Variants in NINL observed in about 807,000 individuals in gnomAD.
The protein encoded by NINL is ninein-like protein.
NINL carries 153 observed loss-of-function variants against 160.3 expected under a neutral mutation model. The observed-to-expected ratio is 0.95, with a 90% CI of 0.84 to 1.09. The LOEUF (loss-of-function observed/expected upper bound fraction) is 1.09, where lower values mean the gene tolerates loss of function less well. Among genes scored for constraint, NINL ranks in the 50% least tolerant of loss-of-function variants. NINL has a pLI of 0.00. For synonymous variants in NINL, 800 were observed against 734.8 expected (o/e 1.09, Z -1.43); for missense variants, 1,829 against 1,764.0 (o/e 1.04, Z -0.66).
Position 25,476,141 on chromosome 20 carries a change from C to T in NINL, c.3150G>A (p.Ala1050=), listed in dbSNP as rs374903795. 3.9e-5 allele frequency: 63 copies of T among 1,614,218 alleles called. No homozygotes were observed. Among genetic ancestry groups the T allele is most frequent in the African/African-American group, 8.0e-5 (6 of 75,058 alleles). ...CCATGTCATCCTTCTCTCTCTCCAG[C>T]GCTATTTTGGTCTCCCCCTCTTCTG... The part of the protein sequence containing the change: ...AAPEEGETKI[A]LEREKDDMET... The change falls in exon 17 of 24, where the codon GCG becomes GCA. Residue 1050 remains alanine (A), a synonymous_variant. Transcript: ENST00000278886.
intron 13 of NINL, among the ~76,000 whole-genome samples, chr20:25,488,141 C>T (rs2063541230): frequency 1.3e-5 from 2 of 152,192 alleles, no homozygotes; most frequent in South Asian, 4.1e-4. Flanking sequence ...GGGTGGGCAT[C>T]CAGGCCTCCC....
chr20:25,580,459 G>A (rs1207976590), intron 1 of NINL, among the ~76,000 whole-genome samples: 4 of 152,140 alleles, frequency 2.6e-5, no homozygotes, highest in Non-Finnish European at 4.4e-5. Context: ...GAGCTCTCCT[G>A]TTTCAGAAAC....
rs368454403 is a variant in NINL, at chr20:25,479,131, G to A, written c.1993C>T (p.Arg665Cys). Residue 665 changes from arginine to cysteine, a missense_variant, in exon 16 of 24, where the codon CGC (arginine) becomes TGC (cysteine). Transcript: ENST00000278886. ...EKERKDMEQA[R>C]RREVSVLEGQ... ...TCCAGCACGCTGACCTCGCGCCTGC[G>A]AGCCTGCTCCATGTCCTTCCTCTCC... The A allele has an allele frequency of 1.2e-5, 20 of 1,613,828 alleles. No homozygotes were observed. The highest frequency in any genetic ancestry group is 9.9e-5 in the South Asian group (9 of 91,082).
Position 25,496,746 on chromosome 20 carries a change from C to T in NINL, c.1227G>A (p.Arg409=). The change falls in exon 10 of 24, where the codon AGG becomes AGA. Residue 409 remains arginine (R), a synonymous_variant. Transcript: ENST00000278886. ...ERDKARQDLE[R]AEKRNLEFVK... is the part of the protein sequence containing the mutation. Reference sequence around the variant, plus strand: ...CAAACTCCAGGTTCCTCTTCTCGGCCCTCTCCAGGTCCTGCCTTGCCTTGT... The same window carrying T: ...CAAACTCCAGGTTCCTCTTCTCGGCTCTCTCCAGGTCCTGCCTTGCCTTGT... The T allele has an allele frequency of 6.2e-7, 1 of 1,614,068 alleles. No homozygotes were observed. Among genetic ancestry groups the T allele is most frequent in the Non-Finnish European group, 8.5e-7 (1 of 1,180,014 alleles).
chr20:25,462,562 A>G (rs760879341), intron 19 of NINL, 21 bp from the exon 20 acceptor site: 26 of 1,583,966 alleles, frequency 1.6e-5, no homozygotes, highest in Non-Finnish European at 2.2e-5. Context: ...AAGTTTTTAA[A>G]TACATAAGAA....
At chr20:25,506,396 C>T (rs1225278025) in intron 5 of NINL, among the ~76,000 whole-genome samples, 1 of 152,258 alleles carries the variant, frequency 6.6e-6, no homozygotes, top group Non-Finnish European at 1.5e-5. Flanking sequence ...ACCTGCTGCT[C>T]AGACTGCACT....
rs368299245 is a variant in NINL, at chr20:25,574,702, G to C, written c.-12+10753C>G. On this transcript the variant is annotated intron_variant, in intron 1 of 23. Coordinates refer to ENST00000278886, the MANE Select transcript of NINL (RefSeq NM_025176.6). Reference sequence around the variant, plus strand: ...AAACAGAGGAAGCACAGATTGGCATGGTAGATAGAGGTGCAGACAGAAATC... The same window carrying C: ...AAACAGAGGAAGCACAGATTGGCATCGTAGATAGAGGTGCAGACAGAAATC... Among the ~76,000 whole-genome samples the C allele has an allele frequency of 2.0e-5, 3 of 152,154 alleles. No individual in the cohort carries two copies. The East Asian group carries it at 5.8e-4, about 29-fold the overall frequency.
At chr20:25,551,785 C>T (rs1474209349) in intron 1 of NINL, among the ~76,000 whole-genome samples, 3 of 152,254 alleles carry the variant, frequency 2.0e-5, no homozygotes, top group Admixed American at 6.5e-5. Flanking sequence ...CTGTCTTGAG[C>T]GTGTTCTGCA....
intron 5 of NINL, among the ~76,000 whole-genome samples, chr20:25,506,441 C>G (rs778199596): frequency 6.6e-6 from 1 of 152,204 alleles, no homozygotes; most frequent in African/African-American, 2.4e-5. Flanking sequence ...CTTCTCTACC[C>G]GCTTTTCTTA....
intron 7 of NINL, among the ~76,000 whole-genome samples, chr20:25,502,580 A>G (rs2063889837): frequency 6.6e-6 from 1 of 152,174 alleles, no homozygotes; most frequent in Non-Finnish European, 1.5e-5. Flanking sequence ...ATCTCATATT[A>G]AAATGTAATC....
At chr20:25,467,183 G>A (rs1202259565) in intron 19 of NINL, among the ~76,000 whole-genome samples, 1 of 152,224 alleles carries the variant, frequency 6.6e-6, no homozygotes, top group Non-Finnish European at 1.5e-5. Flanking sequence ...ACATCCTTGG[G>A]ACCACCGGCA....
Position 25,504,132 on chromosome 20 carries a change from C to T in NINL, c.709-28G>A, listed in dbSNP as rs575039205. On this transcript the variant is annotated intron_variant, in intron 6 of 23. Transcript: ENST00000278886. ...AAACAAAAGCCGTCATATCTCAGGC[C>T]CACCCACAAGAGCTCCACCCAACCG... 1.1e-4 allele frequency: 162 copies of T among 1,541,222 alleles called. 2 individuals carry two copies. The South Asian group carries it at 1.7e-3, about 16-fold the overall frequency.
Position 25,498,134 on chromosome 20 carries a change from T to C in NINL, c.1169+76A>G, listed in dbSNP as rs879005633. 4.5e-6 allele frequency: 7 copies of C among 1,557,176 alleles called. No homozygotes were observed. The East Asian group carries it at 6.7e-5, about 15-fold the overall frequency. On this transcript the variant is annotated intron_variant, in intron 9 of 23. Transcript: ENST00000278886. Reference sequence around the variant, plus strand: ...GTGGATAAGAGCTGACTGGTGTCCTTTGTGTCCCAGACCCCCCTCCAGGCC... The same window carrying C: ...GTGGATAAGAGCTGACTGGTGTCCTCTGTGTCCCAGACCCCCCTCCAGGCC...
chr20:25,547,316 C>T (rs2064746898), intron 1 of NINL, among the ~76,000 whole-genome samples: 1 of 152,150 alleles, frequency 6.6e-6, no homozygotes, highest in African/African-American at 2.4e-5. Context: ...TGCTGTTCAT[C>T]CACATTCTTG....
rs1343526894 is a variant in NINL, at chr20:25,476,504, G to A, written c.2787C>T (p.Ser929=). ...VPKEPEPFGA[S]AAGLEQPGAR... is the part of the protein sequence containing the mutation. ...CTCCAGGCTGCTCCAGCCCCGCTGC[G>A]CTCGCGCCGAAAGGCTCTGGCTCCT... The change falls in exon 17 of 24, where the codon AGC becomes AGT. Residue 929 remains serine (S), a synonymous_variant. Transcript: ENST00000278886. The A allele has an allele frequency of 2.5e-6, 4 of 1,603,354 alleles. No homozygotes were observed. The highest frequency in any genetic ancestry group is 2.2e-5 in the South Asian group (2 of 91,062).
chr20:25,468,558 C>T (rs1337510464), intron 18 of NINL, among the ~76,000 whole-genome samples: 7 of 78,660 alleles, frequency 8.9e-5, no homozygotes, highest in African/African-American at 1.8e-4. Context: ...CTCACTGGTG[C>T]GCACCCCCCT....
At chr20:25,541,356 T>A (rs1412792318) in intron 1 of NINL, among the ~76,000 whole-genome samples, 7 of 152,236 alleles carry the variant, frequency 4.6e-5, no homozygotes. Flanking sequence ...AAGTACTGAA[T>A]AAATGTTACC....
chr20:25,560,459 T>C (rs2064920974), intron 1 of NINL, among the ~76,000 whole-genome samples: 1 of 152,218 alleles, frequency 6.6e-6, no homozygotes. Context: ...CTCATTATCC[T>C]AGAAGTCAGG....
At position 25,458,381 on chromosome 20, in the gene NINL, A is replaced by C; in HGVS notation, c.3843+2T>G. 6.2e-7 allele frequency: 1 copy of C among 1,605,094 alleles called. No homozygotes were observed. Among genetic ancestry groups the C allele is most frequent in the Non-Finnish European group, 8.5e-7 (1 of 1,179,804 alleles). The stretch of plus-strand genomic sequence containing the variant: ...GCCATCTCTCGCTGCATCCCCACTT[A>C]CCCGCTGTGCATCCAGGCGCCTCCT... On this transcript the variant is annotated splice_donor_variant, in intron 22 of 23. Transcript: ENST00000278886. LOFTEE classifies it high-confidence loss of function.
Sources: gnomAD v4.1 joint callset for allele counts (sites outside exome capture counted in the v4.1 genomes callset) on GRCh38, gnomAD v4.1.1 for gene constraint, MANE v1.5 for transcripts, NCBI Gene and HGNC (gene_info 2026-07-23, HGNC 2026-07-21) for gene names.